Variants in G2E3 observed in about 807,000 individuals in gnomAD.
G2E3 encodes G2/M phase-specific E3 ubiquitin-protein ligase.
G2E3 carries 35 observed loss-of-function variants against 92.8 expected under a neutral mutation model. That is an observed-to-expected ratio of 0.38 (90% confidence interval 0.29 to 0.50). The LOEUF (loss-of-function observed/expected upper bound fraction) is 0.50. Among genes scored for constraint, G2E3 ranks in the 20% least tolerant of loss-of-function variants. The pLI, the probability that G2E3 is intolerant of heterozygous loss-of-function variation, is 0.94. For synonymous variants in G2E3, 242 were observed against 272.4 expected, an observed-to-expected ratio of 0.89 and a Z score of 1.10; for missense variants, 554 against 823.8, an observed-to-expected ratio of 0.67 and a Z score of 4.01.
At chr14:30,598,278 TG>T in intron 7 of G2E3, 1 of 409,820 alleles carries the variant, frequency 2.4e-6, no homozygotes, top group East Asian at 4.8e-5. Flanking sequence ...CCCAGCTACT[TG>T]GGAGGCTGAG....
At chr14:30,612,136 G>T (rs762599227) in intron 12 of G2E3, 71 bp from the exon 13 acceptor site, 2 of 1,034,376 alleles carry the variant, frequency 1.9e-6, no homozygotes, top group Non-Finnish European at 2.9e-6. Context: ...AAATTAACAA[G>T]TATCATTTGA....
intron 11 of G2E3, 149 bp from the exon 12 acceptor site, chr14:30,607,739 G>T: frequency 5.9e-6 from 3 of 505,036 alleles, no homozygotes; most frequent in Non-Finnish European, 1.0e-5. Context: ...TTATATTTTA[G>T]GTAAGATCTA....
At chr14:30,581,964 T>C (rs1566533511) in intron 2 of G2E3, among the ~76,000 whole-genome samples, 1 of 152,208 alleles carries the variant, frequency 6.6e-6, no homozygotes. Flanking sequence ...TTCTTACAAC[T>C]CTATATCTTG....
chr14:30,607,717 ATG>A (rs1278612095), intron 11 of G2E3, among the ~76,000 whole-genome samples, 169 bp from the exon 12 acceptor site: 1 of 152,108 alleles, frequency 6.6e-6, no homozygotes, highest in African/African-American at 2.4e-5. Context: ...ATTCAGAAAA[ATG>A]TGTCTTTTTT....
At chr14:30,610,473 A>G (rs229235) in intron 12 of G2E3, among the ~76,000 whole-genome samples, 74,459 of 151,926 alleles carry the variant, frequency 0.49, 21,344 homozygotes, top group African/African-American at 0.8. Context: ...AAAATTAGCC[A>G]GGTGTGGTGG....
chr14:30,603,124 G>T (rs777422464), intron 10 of G2E3, among the ~76,000 whole-genome samples: 4 of 152,080 alleles, frequency 2.6e-5, no homozygotes, highest in Admixed American at 6.6e-5. Context: ...TCAAGAGATC[G>T]AGAACATCCT....
intron 1 of G2E3, among the ~76,000 whole-genome samples, chr14:30,563,595 A>G (rs568473556): frequency 2.5e-4 from 36 of 141,972 alleles, no homozygotes; most frequent in African/African-American, 8.0e-4. Context: ...TATGGAGCCA[A>G]TGGGTGGTAG....
intron 5 of G2E3, among the ~76,000 whole-genome samples, chr14:30,592,754 A>G (rs924105731): frequency 6.6e-6 from 1 of 152,096 alleles, no homozygotes; most frequent in Non-Finnish European, 1.5e-5. Context: ...ATAATTCTAG[A>G]TTTCTGTGTC....
chr14:30,584,337 A>G lies in G2E3; in HGVS notation c.38-2381A>G, dbSNP rs546981101. Among the ~76,000 whole-genome samples, 5 of 152,328 alleles carry G rather than the reference A, an allele frequency of 3.3e-5. No individual in the cohort carries two copies. In the East Asian group the frequency reaches 9.6e-4, roughly 29 times the overall value. On this transcript the variant is annotated intron_variant, in intron 2 of 14. Transcript: ENST00000206595. ...TATTGTGAACAGTGCTGCTGTGAAC[A>G]TTAGTTTACAAGTATTTGTGTGAAC...
chr14:30,574,365 A>C (rs1879947727), intron 1 of G2E3, among the ~76,000 whole-genome samples: 4 of 151,696 alleles, frequency 2.6e-5, no homozygotes, highest in Admixed American at 1.3e-4. Flanking sequence ...TGCAGGATAC[A>C]GTCCAGGATC....
rs1171803720 is a variant in G2E3, at chr14:30,616,467, T to C, written c.2054T>C (p.Met685Thr). 1 of 1,605,054 alleles carries C rather than the reference T, an allele frequency of 6.2e-7. No individual in the cohort carries two copies. The highest frequency in any genetic ancestry group is 8.5e-7 in the Non-Finnish European group (1 of 1,172,100). Residue 685 changes from methionine (M) to threonine (T), a missense_variant, in exon 15 of 15, where the codon ATG (methionine) becomes ACG (threonine). Transcript: ENST00000206595. The part of the protein sequence containing the change: ...TNTYKEFQEN[M>T]DFTIRNTLRL... ...ACATATAAAGAGTTTCAAGAAAATATGGACTTCACCATAAGAAACACTCTA... is the reference window on the plus strand; with the variant it reads ...ACATATAAAGAGTTTCAAGAAAATACGGACTTCACCATAAGAAACACTCTA...
At chr14:30,606,365 T>C (rs2138897433) in intron 11 of G2E3, among the ~76,000 whole-genome samples, 1 of 152,200 alleles carries the variant, frequency 6.6e-6, no homozygotes, top group Non-Finnish European at 1.5e-5. Context: ...GGGGCTTTTA[T>C]ACTACTTTTG....
chr14:30,594,576 C>A (rs890880315), intron 6 of G2E3, among the ~76,000 whole-genome samples: 15 of 151,842 alleles, frequency 9.9e-5, no homozygotes, highest in Non-Finnish European at 1.9e-4. Context: ...GCCTGTAGTC[C>A]CAGCTACTAG....
chr14:30,595,844 T>TATCAA (rs2138862366), intron 6 of G2E3, among the ~76,000 whole-genome samples: 1 of 152,322 alleles, frequency 6.6e-6, no homozygotes, highest in African/African-American at 2.4e-5. Flanking sequence ...GAGAAGAGAC[T>TATCAA]AGAGATTGCT....
chr14:30,616,177 C>T (rs1312847841), intron 14 of G2E3, 101 bp from the exon 15 acceptor site: 1 of 779,118 alleles, frequency 1.3e-6, no homozygotes, highest in Non-Finnish European at 2.1e-6. Flanking sequence ...CTGTGCCTTT[C>T]AGTATTCCAA....
chr14:30,619,882 A>C lies in G2E3; in HGVS notation c.*3348A>C, dbSNP rs1882483069. The C allele has an allele frequency of 6.6e-6, 1 of 152,202 alleles. No individual in the cohort carries two copies. 9.4% of individuals were successfully genotyped at this position (152,202 alleles called of 1,614,324 possible). ...CTAAGTAATTTTTTGGGATTTAATA[A>C]GATTAAGATTCTGACGAAACTGAAA... On this transcript the variant is annotated 3_prime_UTR_variant, in exon 15 of 15. Coordinates refer to ENST00000206595, the MANE Select transcript of G2E3 (RefSeq NM_017769.5).
intron 3 of G2E3, among the ~76,000 whole-genome samples, chr14:30,588,978 G>C (rs1484736014): frequency 2.0e-5 from 3 of 152,082 alleles, no homozygotes; most frequent in Non-Finnish European, 2.9e-5. Flanking sequence ...GAGTTAGCCT[G>C]AAATGTCACT....
chr14:30,591,873 C>T (rs774513318), intron 4 of G2E3, among the ~76,000 whole-genome samples: 1 of 152,140 alleles, frequency 6.6e-6, no homozygotes, highest in Non-Finnish European at 1.5e-5. Flanking sequence ...TGTCTCAACA[C>T]TTTTTCATTT....
chr14:30,595,649 A>C (rs1377478419), intron 6 of G2E3, among the ~76,000 whole-genome samples: 1 of 152,220 alleles, frequency 6.6e-6, no homozygotes, highest in African/African-American at 2.4e-5. Context: ...ACTCGATTAG[A>C]GCATACTAAG....
Sources: allele counts gnomAD v4.1 joint callset (sites outside exome capture counted in the v4.1 genomes callset), GRCh38; gene constraint gnomAD v4.1.1; transcripts MANE v1.5; gene names NCBI Gene and HGNC (gene_info 2026-07-23, HGNC 2026-07-21).